Variants in PIGN observed in about 807,000 individuals in gnomAD.
PIGN encodes the protein phosphatidylinositol glycan anchor biosynthesis class N.
A neutral mutation model predicts 125.4 loss-of-function variants in PIGN; 117 were observed. The observed-to-expected ratio is 0.93, with a 90% CI of 0.80 to 1.09. The LOEUF (loss-of-function observed/expected upper bound fraction) is 1.09. PIGN is among the 50% of genes least tolerant of loss of function. The pLI, the probability that PIGN is intolerant of heterozygous loss-of-function variation, is 0.00. For synonymous variants in PIGN, 392 were observed against 377.8 expected, an observed-to-expected ratio of 1.04 and a Z score of -0.44; for missense variants, 1,075 against 1,094.9, an observed-to-expected ratio of 0.98 and a Z score of 0.26.
chr18:62,082,576 A>G (rs2033498324), intron 28 of PIGN, 97 bp downstream of exon 28: 1 of 636,752 alleles, frequency 1.6e-6, no homozygotes, highest in Admixed American at 2.8e-5. Context: ...TCTATGTTAC[A>G]GTGTCTTAAT....
intron 16 of PIGN, among the ~76,000 whole-genome samples, chr18:62,111,796 T>A (rs2034889714): frequency 6.6e-6 from 1 of 152,202 alleles, no homozygotes; most frequent in South Asian, 2.1e-4. Context: ...TTTTCCAATG[T>A]GGCTTAGGGT....
intron 30 of PIGN, among the ~76,000 whole-genome samples, chr18:62,060,313 C>T (rs1197921511): frequency 2.0e-5 from 3 of 152,120 alleles, no homozygotes; most frequent in South Asian, 2.1e-4. Context: ...GTGTGATGGT[C>T]GAGGGGAAGA....
chr18:62,141,148 G>A (rs62097173), intron 11 of PIGN, among the ~76,000 whole-genome samples: 39,348 of 152,014 alleles, frequency 0.26, 5,398 homozygotes, highest in Middle Eastern at 0.39. Flanking sequence ...CTATGTTTAT[G>A]TAAGTCCTTA....
chr18:62,108,968 A>G (rs2034764327), intron 17 of PIGN, among the ~76,000 whole-genome samples: 1 of 152,206 alleles, frequency 6.6e-6, no homozygotes, highest in Middle Eastern at 3.2e-3. Flanking sequence ...AATTAGAATA[A>G]AATTATGCAT....
intron 23 of PIGN, among the ~76,000 whole-genome samples, chr18:62,033,584 A>G (rs1234854216): frequency 1.3e-5 from 2 of 152,182 alleles, no homozygotes; most frequent in Admixed American, 1.3e-4. Context: ...CTGAATATAA[A>G]TTGAGTTCTG....
intron 23 of PIGN, among the ~76,000 whole-genome samples, chr18:62,032,224 C>T (rs771747580): frequency 3.9e-5 from 6 of 152,188 alleles, no homozygotes; most frequent in Non-Finnish European, 8.8e-5. Context: ...GTGGAGAGAT[C>T]TTTTGGGGCA....
intron 25 of PIGN, among the ~76,000 whole-genome samples, chr18:62,088,070 T>G (rs1450055119): frequency 1.3e-5 from 2 of 152,328 alleles, no homozygotes; most frequent in East Asian, 3.9e-4. Context: ...GCAATCGATA[T>G]GATAATTAGC....
chr18:62,166,096 G>T (rs1040099820), intron 1 of PIGN, among the ~76,000 whole-genome samples: 2 of 152,324 alleles, frequency 1.3e-5, no homozygotes, highest in African/African-American at 2.4e-5. Flanking sequence ...CAGAAAGCTG[G>T]AGTTAAATTC....
intron 12 of PIGN, 26 bp downstream of exon 12, chr18:62,140,394 G>T: frequency 2.8e-6 from 3 of 1,066,430 alleles, no homozygotes. Flanking sequence ...TATACTGAGA[G>T]TTGATAATAA....
intron 4 of PIGN, among the ~76,000 whole-genome samples, chr18:62,160,612 G>A (rs1663650026): frequency 6.6e-6 from 1 of 151,624 alleles, no homozygotes; most frequent in Admixed American, 6.6e-5. Flanking sequence ...TGCCTCGCAG[G>A]TTCTCCTGCC....
chr18:62,128,496 A>G (rs773211649), intron 14 of PIGN, among the ~76,000 whole-genome samples: 1 of 152,218 alleles, frequency 6.6e-6, no homozygotes, highest in Non-Finnish European at 1.5e-5. Flanking sequence ...GATGGGGTCC[A>G]TAAGAGATCA....
At chr18:62,172,519 G>A (rs567509321) in intron 1 of PIGN, among the ~76,000 whole-genome samples, 77 of 152,004 alleles carry the variant, frequency 5.1e-4, no homozygotes, top group Non-Finnish European at 6.5e-4. Context: ...ACTTAACTTA[G>A]TACTCTAATA....
At chr18:62,177,170 G>A (rs2147920845) in intron 1 of PIGN, among the ~76,000 whole-genome samples, 1 of 152,182 alleles carries the variant, frequency 6.6e-6, no homozygotes, top group East Asian at 1.9e-4. Context: ...TAAAGATGGT[G>A]TCCCATAGGT....
chr18:62,152,106 A>G (rs1288350380), intron 7 of PIGN, among the ~76,000 whole-genome samples: 1 of 152,110 alleles, frequency 6.6e-6, no homozygotes, highest in Non-Finnish European at 1.5e-5. Context: ...AGGACAACTC[A>G]AAGTGGGGAT....
chr18:62,064,855 A>T (rs1410530995), intron 30 of PIGN, among the ~76,000 whole-genome samples: 1 of 152,012 alleles, frequency 6.6e-6, no homozygotes, highest in Non-Finnish European at 1.5e-5. Context: ...GTGATCCCAG[A>T]GGGAGAGGAG....
At chr18:62,030,397 T>C (rs910043855) in intron 23 of PIGN, among the ~76,000 whole-genome samples, 3 of 152,214 alleles carry the variant, frequency 2.0e-5, no homozygotes, top group African/African-American at 7.2e-5. Context: ...ACTTCTCAAG[T>C]AAGCCCCTGA....
chr18:62,079,701 T>C (rs979461167), intron 28 of PIGN, among the ~76,000 whole-genome samples: 6 of 149,116 alleles, frequency 4.0e-5, no homozygotes, highest in African/African-American at 1.5e-4. Context: ...ACCTGGTAGA[T>C]ATGATAACTG....
intron 17 of PIGN, 118 bp downstream of exon 17, chr18:62,109,716 G>C: frequency 1.3e-6 from 1 of 782,798 alleles, no homozygotes; most frequent in South Asian, 2.8e-5. Context: ...CTGGAGGTTT[G>C]AAAGTACAGT....
At chr18:62,178,014 T>A (rs2037585934) in intron 1 of PIGN, among the ~76,000 whole-genome samples, 1 of 152,104 alleles carries the variant, frequency 6.6e-6, no homozygotes, top group Non-Finnish European at 1.5e-5. Flanking sequence ...ATGCATTACA[T>A]GTAATTTTTG....
Sources: allele counts gnomAD v4.1 joint callset (sites outside exome capture counted in the v4.1 genomes callset), GRCh38; gene constraint gnomAD v4.1.1; transcripts MANE v1.5; gene names NCBI Gene and HGNC (gene_info 2026-07-23, HGNC 2026-07-21).